RPN2: variants seen among roughly 807,000 people sequenced by gnomAD.
The protein encoded by RPN2 is ribophorin II.
Under a neutral mutation model 71.4 loss-of-function variants are expected in RPN2, and 29 were observed. The ratio of observed to expected loss-of-function variants is 0.41; its 90% CI spans 0.30 to 0.55. RPN2 has a LOEUF of 0.55. Ranked by LOEUF, RPN2 falls within the 20% of genes least tolerant of loss-of-function variation. The probability of loss-of-function intolerance (pLI) is 0.35; values close to 1 mark genes in which losing one functional copy is unlikely to be tolerated. For synonymous variants in RPN2, 308 were observed against 305.0 expected (o/e 1.01, Z -0.10); for missense variants, 726 against 774.1 (o/e 0.94, Z 0.74).
At chr20:37,183,056 C>T (rs1466722392) in intron 1 of RPN2, among the ~76,000 whole-genome samples, 3 of 152,058 alleles carry the variant, frequency 2.0e-5, no homozygotes, top group South Asian at 2.1e-4. Flanking sequence ...ATGGAACTTA[C>T]AGTTTAGCAG....
chr20:37,201,930 A>G (rs1276692620), intron 4 of RPN2, among the ~76,000 whole-genome samples: 2 of 152,332 alleles, frequency 1.3e-5, no homozygotes, highest in Middle Eastern at 3.4e-3. Flanking sequence ...TCATAAATCA[A>G]TTTCTCTGAA....
intron 1 of RPN2, among the ~76,000 whole-genome samples, chr20:37,180,677 T>A (rs1251832058): frequency 2.0e-5 from 3 of 152,226 alleles, no homozygotes; most frequent in African/African-American, 7.2e-5. Context: ...TAGGTCTTTC[T>A]GTCCATTAGC....
intron 7 of RPN2, among the ~76,000 whole-genome samples, chr20:37,207,915 C>T (rs1360571846): frequency 2.6e-5 from 4 of 152,082 alleles, no homozygotes; most frequent in African/African-American, 9.7e-5. Flanking sequence ...CTCCTAGCCT[C>T]CCAAAGTGCT....
At chr20:37,232,859 A>ATG (rs1387981583) in intron 14 of RPN2, among the ~76,000 whole-genome samples, 1 of 152,170 alleles carries the variant, frequency 6.6e-6, no homozygotes, top group Non-Finnish European at 1.5e-5. Flanking sequence ...GATTGCCAAG[A>ATG]TGTGTTACTG....
chr20:37,228,738 G>A lies in RPN2; in HGVS notation c.1488G>A (p.Trp496Ter). The A allele has an allele frequency of 6.2e-7, 1 of 1,614,118 alleles. No individual in the cohort carries two copies. The highest frequency in any genetic ancestry group is 8.5e-7 in the Non-Finnish European group (1 of 1,180,010). ...GDATLKNPIL[W>*]NVADVVIKFP... is the part of the protein sequence containing the mutation. Reference sequence around the variant, plus strand: ...CCACTTTGAAGAACCCAATCCTCTGGAATGTGGTATGTGCCTGAATGTACC... The same window carrying A: ...CCACTTTGAAGAACCCAATCCTCTGAAATGTGGTATGTGCCTGAATGTACC... The change falls in exon 12 of 17, where the codon TGG becomes TGA. Residue 496 changes from tryptophan to a stop codon, truncating the protein, a stop_gained. Coordinates refer to ENST00000237530, the MANE Select transcript of RPN2 (RefSeq NM_002951.5). LOFTEE classifies it high-confidence loss of function.
intron 6 of RPN2, among the ~76,000 whole-genome samples, chr20:37,205,222 G>A (rs1568976366): frequency 6.6e-6 from 1 of 151,536 alleles, no homozygotes; most frequent in African/African-American, 2.4e-5. Context: ...TCTGCTTGTC[G>A]CCTGAATGCT....
At chr20:37,231,739 C>CGGGAAGT (rs1396532501) in intron 13 of RPN2, among the ~76,000 whole-genome samples, 9 of 144,770 alleles carry the variant, frequency 6.2e-5, no homozygotes, top group Non-Finnish European at 9.1e-5. Flanking sequence ...GAAATGAGAG[C>CGGGAAGT]GGGAAGTTCG....
At chr20:37,179,490 C>G (rs1568952297) in intron 1 of RPN2, 121 bp downstream of exon 1, 1 of 1,409,020 alleles carries the variant, frequency 7.1e-7, no homozygotes, top group Non-Finnish European at 9.3e-7. Context: ...TGGGCACAAG[C>G]TCTGGCTGGG....
At chr20:37,184,429 C>G (rs1294526233) in intron 2 of RPN2, 56 bp downstream of exon 2, 3 of 1,376,148 alleles carry the variant, frequency 2.2e-6, no homozygotes, top group Non-Finnish European at 3.1e-6. Flanking sequence ...TTCATCCCCT[C>G]ACTATATTCC....
chr20:37,202,110 C>T (rs916397639), intron 4 of RPN2, among the ~76,000 whole-genome samples: 4 of 152,194 alleles, frequency 2.6e-5, no homozygotes, highest in African/African-American at 9.6e-5. Context: ...GAGGTTGTTA[C>T]CAGCACGGCA....
intron 1 of RPN2, 161 bp downstream of exon 1, chr20:37,179,530 G>C: frequency 1.4e-6 from 2 of 1,401,802 alleles, no homozygotes; most frequent in Non-Finnish European, 1.9e-6. Context: ...CCGAAGGAGG[G>C]CTGCGAGCTG....
intron 9 of RPN2, 35 bp from the exon 10 acceptor site, chr20:37,223,843 T>C (rs754094718): frequency 3.7e-5 from 59 of 1,575,564 alleles, no homozygotes; most frequent in South Asian, 6.6e-5. Flanking sequence ...CACCCACCAA[T>C]TGACCTGGCA....
intron 11 of RPN2, among the ~76,000 whole-genome samples, chr20:37,227,229 C>T (rs2068098949): frequency 6.6e-6 from 1 of 152,122 alleles, no homozygotes; most frequent in Non-Finnish European, 1.5e-5. Flanking sequence ...CATTTGCCAA[C>T]CAAATAGCAC....
At chr20:37,239,806 C>T (rs986759932) in intron 16 of RPN2, among the ~76,000 whole-genome samples, 117 of 152,278 alleles carry the variant, frequency 7.7e-4, no homozygotes, top group African/African-American at 2.6e-3. Context: ...TGGCTATGCC[C>T]GTTTGGTTTC....
At position 37,190,503 on chromosome 20, in the gene RPN2, T is replaced by C. The variant is rs181808189; in HGVS notation, c.207+6130T>C. ...GTCATCGGTAAGATGGAGATAATAA[T>C]ACTCAGCTCACAGATAATGTGTGCA... On this transcript the variant is annotated intron_variant, in intron 2 of 16. Transcript: ENST00000237530. Among the ~76,000 whole-genome samples the C allele has an allele frequency of 3.5e-3, 535 of 152,336 alleles. 10 individuals are homozygous for C. The highest frequency in any genetic ancestry group is 1.0e-3 in the Non-Finnish European group (70 of 68,038).
At position 37,209,401 on chromosome 20, in the gene RPN2, C is replaced by T. The variant is rs2067599974; in HGVS notation, c.868-646C>T. ...CCCAAACTCCTGGCCTTAAGTGATCCTCCCATCTCGGCCTCCCAAAGTACT... is the reference window on the plus strand; with the variant it reads ...CCCAAACTCCTGGCCTTAAGTGATCTTCCCATCTCGGCCTCCCAAAGTACT... On this transcript the variant is annotated intron_variant, in intron 7 of 16. Coordinates refer to ENST00000237530, the MANE Select transcript of RPN2 (RefSeq NM_002951.5). Among the ~76,000 whole-genome samples, 3 of 152,194 alleles carry T rather than the reference C, an allele frequency of 2.0e-5. 1 individual carries two copies. The highest frequency in any genetic ancestry group is 7.2e-5 in the African/African-American group (3 of 41,528).
rs532495023 is a variant in RPN2 at position 37,187,501 on chromosome 20, C to CAAAAA, written c.207+3143_207+3147dup. Among the ~76,000 whole-genome samples the CAAAAA allele has an allele frequency of 5.4e-3, 47 of 8,728 alleles. 9 individuals carry two copies. Among genetic ancestry groups the CAAAAA allele is most frequent in the African/African-American group, 0.034 (46 of 1,334 alleles). 5.7% of individuals were successfully genotyped at this position (8,728 alleles called of 152,430 possible). On this transcript the variant is annotated intron_variant, in intron 2 of 16. Transcript: ENST00000237530. ...TGGGCGACAGAGCGAGACTCCGTCT[C>CAAAAA]AAAAAAAAAAAAAAAAAAAGATCAA...
At chr20:37,215,042 T>A (rs543276315) in intron 9 of RPN2, among the ~76,000 whole-genome samples, 76 of 152,346 alleles carry the variant, frequency 5.0e-4, no homozygotes, top group Non-Finnish European at 7.9e-4. Flanking sequence ...TAATTCTTTA[T>A]CATAACATGT....
chr20:37,193,218 T>C (rs552765674), intron 2 of RPN2, among the ~76,000 whole-genome samples: 1 of 152,244 alleles, frequency 6.6e-6, no homozygotes, highest in Non-Finnish European at 1.5e-5. Flanking sequence ...AGGGACTTTG[T>C]CTATTTTATT....
Sources: allele counts gnomAD v4.1 joint callset (sites outside exome capture counted in the v4.1 genomes callset), GRCh38; gene constraint gnomAD v4.1.1; transcripts MANE v1.5; gene names NCBI Gene and HGNC (gene_info 2026-07-23, HGNC 2026-07-21).